ANK1: variants seen among roughly 807,000 people sequenced by gnomAD.
ANK1 encodes ankyrin-1.
Under a neutral mutation model 210.4 loss-of-function variants are expected in ANK1, and 51 were observed. The observed-to-expected ratio is 0.24, with a 90% CI of 0.19 to 0.31. The LOEUF (loss-of-function observed/expected upper bound fraction) is 0.31, where lower values mean the gene tolerates loss of function less well. Among genes scored for constraint, ANK1 ranks in the 10% least tolerant of loss-of-function variants. ANK1 has a pLI of 1.00. For missense variants in ANK1, 2,051 were observed against 2,504.4 expected (o/e 0.82, Z 3.86); for synonymous variants, 967 against 1,025.9 (o/e 0.94, Z 1.10).
At chr8:41,783,327 A>G (rs1441795972) in intron 1 of ANK1, among the ~76,000 whole-genome samples, 1 of 152,130 alleles carries the variant, frequency 6.6e-6, no homozygotes, top group Non-Finnish European at 1.5e-5. Flanking sequence ...TAATTTTTGG[A>G]AAGTTCTTTC....
At chr8:41,742,067 T>C (rs1412670380) in intron 2 of ANK1, among the ~76,000 whole-genome samples, 1 of 152,244 alleles carries the variant, frequency 6.6e-6, no homozygotes, top group Non-Finnish European at 1.5e-5. Context: ...AGCTAGGCTA[T>C]GTTTCTTTTA....
At chr8:41,891,463 C>G (rs527407994) in intron 1 of ANK1, among the ~76,000 whole-genome samples, 1 of 152,318 alleles carries the variant, frequency 6.6e-6, no homozygotes, top group African/African-American at 2.4e-5. Context: ...TGCTCTGAGA[C>G]AGTCCAGCAC....
intron 1 of ANK1, among the ~76,000 whole-genome samples, chr8:41,846,434 C>T (rs1032236951): frequency 5.9e-5 from 9 of 152,332 alleles, no homozygotes; most frequent in East Asian, 3.9e-4. Flanking sequence ...TGCCAAGGCC[C>T]GTGTGGGCTG....
At position 41,842,886 on chromosome 8, in the gene ANK1, G is replaced by A. The variant is rs369082983; in HGVS notation, c.126+53469C>T. On this transcript the variant is annotated intron_variant, in intron 1 of 42. Coordinates refer to the ANK1 transcript ENST00000265709. ...GTTTTGAGACGGATCTCCTTCTGTC[G>A]CCCAGGCTGGAGTACAGTGGCATGA... 3.2e-4 allele frequency among the ~76,000 whole-genome samples: 48 copies of A among 152,176 alleles called. 1 individual carries two copies. The East Asian group carries it at 5.0e-3, about 16-fold the overall frequency.
At chr8:41,713,012 G>A (rs1437057397) in intron 16 of ANK1, among the ~76,000 whole-genome samples, 3 of 152,204 alleles carry the variant, frequency 2.0e-5, no homozygotes, top group Non-Finnish European at 4.4e-5. Flanking sequence ...GTCTGTAGAA[G>A]AGCGATGCTG....
At chr8:41,786,335 C>T (rs1846394833) in intron 1 of ANK1, among the ~76,000 whole-genome samples, 1 of 152,210 alleles carries the variant, frequency 6.6e-6, no homozygotes, top group Non-Finnish European at 1.5e-5. Context: ...ACCTTGGGGA[C>T]CCTGTAGACA....
chr8:41,888,342 T>C (rs1419655304), intron 1 of ANK1, among the ~76,000 whole-genome samples: 2 of 152,236 alleles, frequency 1.3e-5, no homozygotes, highest in Non-Finnish European at 1.5e-5. Flanking sequence ...CGCTTACATA[T>C]GTACATTTGT....
chr8:41,827,496 TAAAAC>T (rs1461904030), intron 1 of ANK1, among the ~76,000 whole-genome samples: 1 of 152,154 alleles, frequency 6.6e-6, no homozygotes, highest in African/African-American at 2.4e-5. Context: ...AGCTTTAAAA[TAAAAC>T]AAAATGTAAT....
intron 1 of ANK1, among the ~76,000 whole-genome samples, chr8:41,780,372 C>T (rs1845026907): frequency 6.6e-6 from 1 of 152,212 alleles, no homozygotes; most frequent in South Asian, 2.1e-4. Context: ...CTCTTAGACT[C>T]CAGTTGAATT....
chr8:41,662,019 G>T, intron 40 of ANK1, 78 bp from the exon 41 acceptor site: 1 of 1,535,992 alleles, frequency 6.5e-7, no homozygotes, highest in South Asian at 1.1e-5. Context: ...AGCACTTTGG[G>T]AGGCTGACGT....
chr8:41,788,970 C>T (rs1053023419), intron 1 of ANK1: 1 of 152,230 alleles, frequency 6.6e-6, no homozygotes, highest in Admixed American at 6.5e-5. Flanking sequence ...CCCAAACACA[C>T]AAGCCACACT....
At position 41,672,588 on chromosome 8, in the gene ANK1, A is replaced by T. The variant is rs763021600; in HGVS notation, c.4862T>A (p.Val1621Glu). The T allele has an allele frequency of 1.2e-5, 20 of 1,614,216 alleles. 1 individual carries two copies. The Admixed American group carries it at 3.3e-4, about 27-fold the overall frequency. ...RGPELGSLEL[V>E]EDDTVDSDAT... ...ATCTGAATCCACTGTGTCGTCCTCC[A>T]CAAGTTCCAGAGAGCCCAACTCGGG... is the stretch of plus-strand genomic sequence containing the variant. The change falls in exon 38 of 43, where the codon GTG (valine) becomes GAG (glutamate). Residue 1621 changes from valine to glutamate, a missense_variant. Transcript: ENST00000289734.
At chr8:41,852,057 AAAG>A (rs1459333404) in intron 1 of ANK1, among the ~76,000 whole-genome samples, 1 of 152,324 alleles carries the variant, frequency 6.6e-6, no homozygotes, top group South Asian at 2.1e-4. Context: ...TTTAGGAAGA[AAAG>A]TAGTATGTTA....
intron 23 of ANK1, 100 bp downstream of exon 23, chr8:41,699,352 C>G: frequency 1.8e-6 from 2 of 1,124,980 alleles, no homozygotes; most frequent in Non-Finnish European, 2.7e-6. Flanking sequence ...GCGAGCCCAG[C>G]GCCTGGCCTG....
At chr8:41,693,776 T>G in intron 29 of ANK1, 122 bp downstream of exon 29, 1 of 1,135,110 alleles carries the variant, frequency 8.8e-7, no homozygotes, top group South Asian at 1.4e-5. Context: ...AGCACCTCAC[T>G]CCCGGGGAAG....
intron 37 of ANK1, among the ~76,000 whole-genome samples, chr8:41,675,992 T>A (rs1554528290): frequency 6.6e-6 from 1 of 152,242 alleles, no homozygotes; most frequent in Non-Finnish European, 1.5e-5. Flanking sequence ...GAAGGATATA[T>A]CACAGTTTGT....
chr8:41,687,575 C>T (rs1818040120), intron 35 of ANK1, among the ~76,000 whole-genome samples: 1 of 152,214 alleles, frequency 6.6e-6, no homozygotes, highest in Admixed American at 6.5e-5. Flanking sequence ...TGAACTCCTC[C>T]TTGGGGAGAC....
intron 1 of ANK1, among the ~76,000 whole-genome samples, chr8:41,833,417 G>T (rs1807045051): frequency 6.6e-6 from 1 of 152,178 alleles, no homozygotes; most frequent in Admixed American, 6.5e-5. Context: ...TTTTTATTTT[G>T]CCATTAACAA....
chr8:41,827,870 C>T (rs1805739164), intron 1 of ANK1, among the ~76,000 whole-genome samples: 2 of 151,836 alleles, frequency 1.3e-5, no homozygotes, highest in Non-Finnish European at 2.9e-5. Flanking sequence ...CACTCACACA[C>T]CCCACACACA....
Sources: gnomAD v4.1 joint callset for allele counts (sites outside exome capture counted in the v4.1 genomes callset) on GRCh38, gnomAD v4.1.1 for gene constraint, MANE v1.5 for transcripts, NCBI Gene and HGNC (gene_info 2026-07-23, HGNC 2026-07-21) for gene names.